The following TRPM3 variants were observed in gnomAD, a reference collection of about 807,000 sequenced individuals.
The protein encoded by TRPM3 is transient receptor potential cation channel subfamily M member 3.
TRPM3 carries 77 observed loss-of-function variants against 181.2 expected under a neutral mutation model. The ratio of observed to expected loss-of-function variants is 0.42; its 90% CI spans 0.35 to 0.51. The LOEUF is 0.51. Among genes scored for constraint, TRPM3 ranks in the 20% least tolerant of loss-of-function variants. The pLI is 0.01. For missense variants in TRPM3, 1,759 were observed against 2,196.7 expected (o/e 0.80, Z 3.98); for synonymous variants, 745 against 796.4 (o/e 0.94, Z 1.09).
chr9:70,588,518 C>G (rs1001963566), intron 22 of TRPM3, among the ~76,000 whole-genome samples: 2 of 151,480 alleles, frequency 1.3e-5, no homozygotes. Flanking sequence ...AGAAATGAGT[C>G]ACTCTGCGAA....
At chr9:71,379,641 C>T (rs2092748513) in intron 1 of TRPM3, among the ~76,000 whole-genome samples, 1 of 151,966 alleles carries the variant, frequency 6.6e-6, no homozygotes, top group Admixed American at 6.6e-5. Flanking sequence ...GGATGACTCT[C>T]AAACACTCAC....
intron 7 of TRPM3, 144 bp from the exon 8 acceptor site, chr9:70,761,868 G>C: frequency 1.1e-6 from 1 of 949,496 alleles, no homozygotes; most frequent in Non-Finnish European, 1.5e-6. Flanking sequence ...AAGGTATCCC[G>C]CCTGTGATAA....
chr9:71,259,183 TG>T (rs2082872860), intron 1 of TRPM3, among the ~76,000 whole-genome samples: 1 of 152,204 alleles, frequency 6.6e-6, no homozygotes, highest in Non-Finnish European at 1.5e-5. Context: ...CTGAGAATGA[TG>T]GTTTCCAGCT....
chr9:70,740,795 C>T (rs2073904031), intron 8 of TRPM3, among the ~76,000 whole-genome samples: 1 of 152,172 alleles, frequency 6.6e-6, no homozygotes, highest in South Asian at 2.1e-4. Flanking sequence ...TCATCTCTTA[C>T]CTTATACAAA....
intron 6 of TRPM3, among the ~76,000 whole-genome samples, chr9:70,804,644 G>A (rs10868893): frequency 0.29 from 44,225 of 151,560 alleles, 7,776 homozygotes; most frequent in Non-Finnish European, 0.37. Flanking sequence ...CCTACCTGAC[G>A]TCTGACACTA....
At chr9:70,615,847 C>T (rs947401789) in intron 18 of TRPM3, 61 bp downstream of exon 18, 5 of 1,501,546 alleles carry the variant, frequency 3.3e-6, no homozygotes, top group South Asian at 1.4e-5. Context: ...TTGAGCATAT[C>T]GGTGGGACAA....
At chr9:70,551,304 C>T (rs1237433355) in intron 24 of TRPM3, among the ~76,000 whole-genome samples, 1 of 152,212 alleles carries the variant, frequency 6.6e-6, no homozygotes, top group Non-Finnish European at 1.5e-5. Flanking sequence ...GGGCCCTTGT[C>T]TCTGACCTTC....
chr9:71,177,060 C>T (rs1205550539), intron 1 of TRPM3, among the ~76,000 whole-genome samples: 1 of 152,046 alleles, frequency 6.6e-6, no homozygotes, highest in Non-Finnish European at 1.5e-5. Context: ...AGCTCCACCT[C>T]CTGTCACATT....
chr9:70,899,977 G>A (rs2096360405), intron 1 of TRPM3, among the ~76,000 whole-genome samples: 1 of 152,100 alleles, frequency 6.6e-6, no homozygotes, highest in Non-Finnish European at 1.5e-5. Context: ...ATAAGAATAA[G>A]CACTGCACAA....
At chr9:71,343,725 T>C (rs1199953945) in intron 1 of TRPM3, among the ~76,000 whole-genome samples, 1 of 152,120 alleles carries the variant, frequency 6.6e-6, no homozygotes, top group Non-Finnish European at 1.5e-5. Flanking sequence ...AGAACCCAAA[T>C]ACTGGTTTCT....
chr9:70,983,028 C>T (rs916448850), intron 1 of TRPM3, among the ~76,000 whole-genome samples: 3 of 152,078 alleles, frequency 2.0e-5, no homozygotes, highest in Admixed American at 2.0e-4. Context: ...TCTTTCTTTC[C>T]TGACCCTTCA....
intron 1 of TRPM3, among the ~76,000 whole-genome samples, chr9:71,057,869 C>T (rs948840595): frequency 2.6e-5 from 4 of 151,978 alleles, no homozygotes; most frequent in African/African-American, 4.8e-5. Flanking sequence ...ATGTTTTAAG[C>T]AATAGGCAGT....
At position 71,362,843 on chromosome 9, in the gene TRPM3, A is replaced by T. The variant is rs117355718; in HGVS notation, c.183+83810T>A. ...AATGATTGCATGTAATTTAGTACAA[A>T]ACTTGTGAAGATAAAAAATAATAAT... On this transcript the variant is annotated intron_variant, in intron 1 of 24. Transcript: ENST00000357533. 5.0e-4 allele frequency among the ~76,000 whole-genome samples: 76 copies of T among 152,334 alleles called. 1 individual carries two copies. In the East Asian group the frequency reaches 0.013, roughly 26 times the overall value.
At chr9:71,272,023 G>A (rs72733885) in intron 1 of TRPM3, among the ~76,000 whole-genome samples, 9,530 of 152,216 alleles carry the variant, frequency 0.063, 385 homozygotes, top group Non-Finnish European at 0.088. Flanking sequence ...CATAATTTTG[G>A]TTAACGGAGG....
intron 1 of TRPM3, among the ~76,000 whole-genome samples, chr9:71,170,663 C>G (rs2076803475): frequency 6.6e-6 from 1 of 152,182 alleles, no homozygotes; most frequent in Admixed American, 6.5e-5. Flanking sequence ...ACACTTATCA[C>G]TTCTCCAATC....
chr9:70,628,765 G>T (rs369244272), intron 12 of TRPM3, among the ~76,000 whole-genome samples: 23 of 139,758 alleles, frequency 1.6e-4, no homozygotes, highest in African/African-American at 5.7e-4. Flanking sequence ...GTTGAAGTGA[G>T]CCGAGATTGC....
At chr9:71,118,496 A>C (rs1461942024) in intron 1 of TRPM3, among the ~76,000 whole-genome samples, 1 of 152,222 alleles carries the variant, frequency 6.6e-6, no homozygotes, top group Non-Finnish European at 1.5e-5. Flanking sequence ...TAGCAAAGAT[A>C]CACACATTTT....
At chr9:70,843,711 G>A (rs1334541637) in intron 4 of TRPM3, among the ~76,000 whole-genome samples, 3 of 152,178 alleles carry the variant, frequency 2.0e-5, no homozygotes, top group South Asian at 4.1e-4. Flanking sequence ...TTCCTCTTCT[G>A]TTAAAATGAC....
chr9:70,898,395 T>G (rs2096320173), intron 1 of TRPM3, among the ~76,000 whole-genome samples: 1 of 151,290 alleles, frequency 6.6e-6, no homozygotes, highest in Admixed American at 6.6e-5. Context: ...GTGCTGAGAT[T>G]ACAGGCGTGA....
Sources: gnomAD v4.1 joint callset for allele counts (sites outside exome capture counted in the v4.1 genomes callset) on GRCh38, gnomAD v4.1.1 for gene constraint, MANE v1.5 for transcripts, NCBI Gene and HGNC (gene_info 2026-07-23, HGNC 2026-07-21) for gene names.